Variants in DUSP15 observed in about 807,000 individuals in gnomAD.
The protein encoded by DUSP15 is dual specificity protein phosphatase 15.
Under a neutral mutation model 26.3 loss-of-function variants are expected in DUSP15, and 23 were observed. The observed-to-expected ratio is 0.87, with a 90% CI of 0.63 to 1.24. The LOEUF (loss-of-function observed/expected upper bound fraction) is 1.24, where lower values mean the gene tolerates loss of function less well. Ranked by LOEUF, DUSP15 falls within the 50% of genes most tolerant of loss-of-function variation. The probability of loss-of-function intolerance (pLI) is 0.00; values close to 1 mark genes in which losing one functional copy is unlikely to be tolerated. For missense variants in DUSP15, 364 were observed against 320.6 expected (o/e 1.14, Z -1.03); for synonymous variants, 143 against 135.5 (o/e 1.06, Z -0.39).
At chr20:31,860,161 A>T (rs920079018), downstream of DUSP15, among the ~76,000 whole-genome samples, 3 of 152,232 alleles carry the variant, frequency 2.0e-5, no homozygotes, top group South Asian at 6.2e-4. Flanking sequence ...GCTGGCACAC[A>T]GTAGGTACTC....
chr20:31,860,160 C>T (rs1228456481), downstream of DUSP15, among the ~76,000 whole-genome samples: 1 of 152,176 alleles, frequency 6.6e-6, no homozygotes, highest in Admixed American at 6.5e-5. Context: ...GGCTGGCACA[C>T]AGTAGGTACT....
At chr20:31,869,489 C>G (rs2062863688) in intron 2 of DUSP15, 75 bp downstream of exon 2, 27 of 1,562,552 alleles carry the variant, frequency 1.7e-5, no homozygotes, top group Non-Finnish European at 2.4e-5. Context: ...ATGCATGGGC[C>G]AGGGCATGAA....
At position 31,861,777 on chromosome 20, in the gene DUSP15, C is replaced by A. The variant is rs950135938; in HGVS notation, c.436-102G>T. 26 of 932,788 alleles carry A rather than the reference C, an allele frequency of 2.8e-5. 1 individual carries two copies. Among genetic ancestry groups the A allele is most frequent in the Non-Finnish European group, 3.4e-5 (23 of 680,690 alleles). 57.8% of individuals were successfully genotyped at this position (932,788 alleles called of 1,614,324 possible). A position where few individuals can be genotyped will look rare whatever the true frequency, so the allele number is the denominator to read the frequency against. ...CTCCCGACCTTCGCCCTTCTCCGAG[C>A]GTCCCACACCTCGCTGAGCCCCTCC... On this transcript the variant is annotated intron_variant, in intron 6 of 6. Transcript: ENST00000339738.
intron 3 of DUSP15, among the ~76,000 whole-genome samples, chr20:31,865,687 A>G (rs775356185): frequency 6.6e-6 from 1 of 152,164 alleles, no homozygotes; most frequent in Non-Finnish European, 1.5e-5. Context: ...TCATTTGTCC[A>G]TGGCTTTGTG....
intron 6 of DUSP15, among the ~76,000 whole-genome samples, chr20:31,855,752 C>T (rs1367042834): frequency 6.6e-6 from 1 of 152,326 alleles, no homozygotes; most frequent in Non-Finnish European, 1.5e-5. Flanking sequence ...CTTGATGACA[C>T]CACCCTCAAG....
chr20:31,846,177 C>G (rs746388), downstream of DUSP15, among the ~76,000 whole-genome samples: 104,242 of 149,778 alleles, frequency 0.7, 37,905 homozygotes, highest in African/African-American at 0.93. Flanking sequence ...CACACACACA[C>G]ATATACACAG....
intron 8 of DUSP15, chr20:31,849,039 C>T: frequency 1.5e-6 from 1 of 685,950 alleles, no homozygotes; most frequent in Non-Finnish European, 2.5e-6. Context: ...TGTGCCTGTA[C>T]CCTAGGCCCA....
In DUSP15 at chr20:31,863,924, C is replaced by T. The variant is rs201744217; in HGVS notation, c.246G>A (p.Gly82=). The T allele has an allele frequency of 9.3e-6, 15 of 1,613,554 alleles. No homozygotes were observed. The highest frequency in any genetic ancestry group is 1.3e-5 in the African/African-American group (1 of 74,870). The change falls in exon 5 of 7, where the codon GGG becomes GGA. Residue 82 remains glycine (G), a synonymous_variant. Transcript: ENST00000339738. ...TAACTCACCAGTGCACAAGGCAGTT[C>T]CCCCCATTAAGGCGGCAGCAGTGGA... ...NFIHCCRLNG[G]NCLVHCFAGI... is the part of the protein sequence containing the mutation.
At chr20:31,867,472 TTC>T (rs2062793180) in intron 2 of DUSP15, among the ~76,000 whole-genome samples, 1 of 152,210 alleles carries the variant, frequency 6.6e-6, no homozygotes, top group Non-Finnish European at 1.5e-5. Flanking sequence ...GAGGATGATG[TTC>T]TCTGCAGTCC....
downstream of DUSP15, among the ~76,000 whole-genome samples, chr20:31,859,059 TA>T (rs1160877118): frequency 6.6e-6 from 1 of 152,200 alleles, no homozygotes; most frequent in Non-Finnish European, 1.5e-5. Context: ...ATGAGGTTGG[TA>T]AAAGCCCTGT....
At position 31,867,153 on chromosome 20, in the gene DUSP15, T is replaced by C. The variant is rs2062786582; in HGVS notation, c.56A>G (p.Asp19Gly). 1 of 1,582,318 alleles carries C rather than the reference T, an allele frequency of 6.3e-7. No individual in the cohort carries two copies. Among genetic ancestry groups the C allele is most frequent in the Admixed American group, 1.8e-5 (1 of 55,698 alleles). ...LPGLYLGNFI[D>G]AKDLDQLGRN... The stretch of plus-strand genomic sequence containing the variant: ...GCCCAGCTGATCCAGGTCTTTGGCA[T>C]CTGAAAGAAACAGGATGCTTGAGCC... The change falls in exon 3 of 7, where the codon GAT (aspartate) becomes GGT (glycine). Residue 19 changes from aspartate to glycine, a missense_variant and splice_region_variant. Asp to Gly is a moderately conservative substitution (Grantham distance 94). Transcript: ENST00000339738.
At chr20:31,849,711 G>T (rs190342959) in intron 8 of DUSP15, 1 of 1,530,312 alleles carries the variant, frequency 6.5e-7, no homozygotes, top group Non-Finnish European at 8.8e-7. Context: ...ACACGTGGGC[G>T]CTGGGCAATG....
Position 31,861,622 on chromosome 20 carries a change from C to A in DUSP15, c.489G>T (p.Glu163Asp). ...RFGESPFRDE[E>D]ELRALLPLCK... ...ACAGCGGCAGCAGCGCGCGCAACTCCTCCTCGTCGCGGAAGGGGCTCTCGC... is the reference window on the plus strand; with the variant it reads ...ACAGCGGCAGCAGCGCGCGCAACTCATCCTCGTCGCGGAAGGGGCTCTCGC... Residue 163 changes from glutamate (E) to aspartate (D), a missense_variant, in exon 7 of 7, where the codon GAG becomes GAT. By Grantham distance (45) the Glu-to-Asp change is conservative (BLOSUM62 2). Transcript: ENST00000339738. 2 of 1,493,150 alleles carry A rather than the reference C, an allele frequency of 1.3e-6. No homozygotes were observed. The highest frequency in any genetic ancestry group is 1.8e-6 in the Non-Finnish European group (2 of 1,129,850). The allele number at this position is 1,493,150 out of a possible 1,614,324, so 92.5% of individuals were successfully genotyped here. A position where few individuals can be genotyped will look rare whatever the true frequency, so the allele number is the denominator to read the frequency against.
exon 10 of DUSP15, chr20:31,848,554 C>G (rs754484409): frequency 2.5e-6 from 4 of 1,571,006 alleles, no homozygotes; most frequent in Non-Finnish European, 2.6e-6. Flanking sequence ...CAGGCCGAAG[C>G]TGCACCTGCA....
chr20:31,863,814 C>G (rs2062710234), intron 5 of DUSP15, 93 bp downstream of exon 5: 2 of 1,305,236 alleles, frequency 1.5e-6, no homozygotes, highest in Non-Finnish European at 2.2e-6. Context: ...AGATCCCTCA[C>G]AGGTCCAACC....
intron 6 of DUSP15, among the ~76,000 whole-genome samples, chr20:31,855,121 G>A (rs2062539853): frequency 6.6e-6 from 1 of 152,078 alleles, no homozygotes; most frequent in Admixed American, 6.6e-5. Flanking sequence ...ATGCTTGGGG[G>A]CCATTTTCAA....
chr20:31,869,701 T>A (rs1045603407), intron 1 of DUSP15, 104 bp from the exon 2 acceptor site: 8 of 1,548,044 alleles, frequency 5.2e-6, no homozygotes, highest in Non-Finnish European at 7.0e-6. Flanking sequence ...ATGAAGGGTA[T>A]GGACCTCAGG....
intron 3 of DUSP15, among the ~76,000 whole-genome samples, chr20:31,866,055 A>C (rs529255535): frequency 3.9e-5 from 6 of 152,364 alleles, no homozygotes; most frequent in African/African-American, 1.4e-4. Context: ...TCTGAATGAC[A>C]TTGAAAATCA....
intron 4 of DUSP15, 86 bp from the exon 5 acceptor site, chr20:31,864,067 A>T (rs2062718141): frequency 1.3e-6 from 2 of 1,591,820 alleles, no homozygotes; most frequent in Non-Finnish European, 1.7e-6. Context: ...ACAGGATAGC[A>T]AGGGACATAG....
Sources: gnomAD v4.1 joint callset for allele counts (sites outside exome capture counted in the v4.1 genomes callset) on GRCh38, gnomAD v4.1.1 for gene constraint, MANE v1.5 for transcripts, NCBI Gene and HGNC (gene_info 2026-07-23, HGNC 2026-07-21) for gene names.